RPSA2: variants seen among roughly 807,000 people sequenced by gnomAD.
RPSA2 encodes small ribosomal subunit protein uS2B.
the RPSA2 span, among the ~76,000 whole-genome samples, chr19:23,848,534 G>C: frequency 6.6e-6 from 1 of 152,156 alleles, no homozygotes; most frequent in Non-Finnish European, 1.5e-5. Flanking sequence ...AAACCAGCTT[G>C]AGAGACTTCA....
chr19:23,822,541 G>A, the RPSA2 span, among the ~76,000 whole-genome samples: 1 of 152,160 alleles, frequency 6.6e-6, no homozygotes, highest in Non-Finnish European at 1.5e-5. Flanking sequence ...GTAGAAAAAG[G>A]CTGGTAAATA....
At chr19:23,783,332 T>A in the RPSA2 span, among the ~76,000 whole-genome samples, 1 of 151,912 alleles carries the variant, frequency 6.6e-6, no homozygotes, top group Non-Finnish European at 1.5e-5. Context: ...TGACCTCAGG[T>A]GATTTGACTG....
the RPSA2 span, among the ~76,000 whole-genome samples, chr19:23,814,367 A>G: frequency 4.9e-4 from 74 of 152,002 alleles, no homozygotes; most frequent in Non-Finnish European, 9.0e-4. Flanking sequence ...TCTTTTTTCT[A>G]TTGTGTGCTC....
chr19:23,811,514 GCC>G, the RPSA2 span, among the ~76,000 whole-genome samples: 1 of 8,744 alleles, frequency 1.1e-4, no homozygotes, highest in Non-Finnish European at 6.1e-4. Context: ...CAAATAGGAT[GCC>G]TTTTTTTTTT....
At chr19:23,868,909 G>T in the RPSA2 span, among the ~76,000 whole-genome samples, 22 of 152,116 alleles carry the variant, frequency 1.4e-4, no homozygotes, top group Non-Finnish European at 2.5e-4. Flanking sequence ...AGGCCAACTG[G>T]AGTCATGGTG....
chr19:23,786,907 A>T, the RPSA2 span, among the ~76,000 whole-genome samples: 1 of 151,890 alleles, frequency 6.6e-6, no homozygotes, highest in African/African-American at 2.4e-5. Flanking sequence ...TGTGACTCTC[A>T]TCTTCTGCTT....
chr19:23,814,230 AG>A, the RPSA2 span, among the ~76,000 whole-genome samples: 46 of 149,972 alleles, frequency 3.1e-4, no homozygotes, highest in Non-Finnish European at 5.3e-4. Flanking sequence ...AAAAAAAAAA[AG>A]AAGTTATCTT....
At chr19:23,815,167 TTAG>T in the RPSA2 span, among the ~76,000 whole-genome samples, 1 of 152,212 alleles carries the variant, frequency 6.6e-6, no homozygotes, top group Non-Finnish European at 1.5e-5. Flanking sequence ...TTAATAAAAC[TTAG>T]TATGTGTCCT....
chr19:23,856,394 C>T, the RPSA2 span, among the ~76,000 whole-genome samples: 2 of 152,042 alleles, frequency 1.3e-5, no homozygotes. Flanking sequence ...TCCATGGTCA[C>T]TCAAACTCCT....
At chr19:23,819,230 G>C in the RPSA2 span, 4 of 152,150 alleles carry the variant, frequency 2.6e-5, no homozygotes, top group Admixed American at 6.6e-5. Context: ...CTTCTGGGGT[G>C]ACTAGAACAG....
chr19:23,785,644 T>C, the RPSA2 span, among the ~76,000 whole-genome samples: 3 of 151,458 alleles, frequency 2.0e-5, no homozygotes, highest in Non-Finnish European at 4.4e-5. Flanking sequence ...GACACTCCTG[T>C]CTGGTCCCTG....
the RPSA2 span, among the ~76,000 whole-genome samples, chr19:23,857,926 T>G: frequency 6.6e-6 from 1 of 152,154 alleles, no homozygotes; most frequent in African/African-American, 2.4e-5. Flanking sequence ...GTCTTTATAC[T>G]GATTTCTGCA....
the RPSA2 span, among the ~76,000 whole-genome samples, chr19:23,830,071 A>G: frequency 6.7e-6 from 1 of 148,892 alleles, no homozygotes; most frequent in Non-Finnish European, 1.5e-5. Context: ...TTTATTTGGC[A>G]GGATAGATTC....
chr19:23,853,129 T>C, the RPSA2 span, among the ~76,000 whole-genome samples: 1 of 152,246 alleles, frequency 6.6e-6, no homozygotes, highest in Non-Finnish European at 1.5e-5. Flanking sequence ...GTACTTTCCA[T>C]TGATAATGAA....
the RPSA2 span, among the ~76,000 whole-genome samples, chr19:23,802,335 A>C: frequency 6.6e-6 from 1 of 152,162 alleles, no homozygotes; most frequent in Non-Finnish European, 1.5e-5. Context: ...TATTGTCCAA[A>C]AGCTAGCTAA....
At chr19:23,861,223 T>C in the RPSA2 span, among the ~76,000 whole-genome samples, 2 of 152,184 alleles carry the variant, frequency 1.3e-5, no homozygotes, top group South Asian at 4.1e-4. Context: ...AATAGACCTG[T>C]CCTCAAGGCA....
chr19:23,789,019 C>CTTTTTTTTT, the RPSA2 span, among the ~76,000 whole-genome samples: 46,470 of 110,356 alleles, frequency 0.42, 11,792 homozygotes, highest in East Asian at 0.57. Flanking sequence ...TTTTTTCTTT[C>CTTTTTTTTT]TTTCTTTTTT....
the RPSA2 span, among the ~76,000 whole-genome samples, chr19:23,869,647 G>A: frequency 1.3e-5 from 2 of 152,124 alleles, no homozygotes; most frequent in East Asian, 1.9e-4. Context: ...ATACCACACC[G>A]GGATCCAATC....
At chr19:23,806,452 A>T in the RPSA2 span, among the ~76,000 whole-genome samples, 148,782 of 152,108 alleles carry the variant, frequency 0.98, 72,859 homozygotes, top group Middle Eastern at 1. Context: ...CATTAAGAAA[A>T]TGCTCATTTA....
Sources: allele counts gnomAD v4.1 joint callset (sites outside exome capture counted in the v4.1 genomes callset), GRCh38; gene constraint gnomAD v4.1.1; transcripts MANE v1.5; gene names NCBI Gene and HGNC (gene_info 2026-07-23, HGNC 2026-07-21).